Variants in DLGAP2 observed in about 807,000 individuals in gnomAD.
DLGAP2 encodes the protein DLG associated protein 2.
In DLGAP2, 26 loss-of-function variants were observed where a neutral mutation model predicts 100.3. That is an observed-to-expected ratio of 0.26 (90% confidence interval 0.19 to 0.36). DLGAP2 has a LOEUF of 0.36. DLGAP2 is among the 10% of genes least tolerant of loss of function. The pLI is 1.00. For synonymous variants in DLGAP2, 886 were observed against 630.1 expected, an observed-to-expected ratio of 1.41 and a Z score of -6.08; for missense variants, 1,858 against 1,453.2, an observed-to-expected ratio of 1.28 and a Z score of -4.53.
At chr8:1,340,360 C>A (rs1801391685) in intron 3 of DLGAP2, among the ~76,000 whole-genome samples, 1 of 152,130 alleles carries the variant, frequency 6.6e-6, no homozygotes, top group Admixed American at 6.5e-5. Context: ...TAATATCTGG[C>A]ATCTATGAGG....
At chr8:1,517,248 C>T (rs1306573263) in intron 4 of DLGAP2, among the ~76,000 whole-genome samples, 2 of 152,104 alleles carry the variant, frequency 1.3e-5, no homozygotes, top group African/African-American at 4.8e-5. Flanking sequence ...AGGAAGAAGT[C>T]AAGCCCTCTG....
intron 2 of DLGAP2, among the ~76,000 whole-genome samples, chr8:1,053,034 G>A (rs1045146801): frequency 2.6e-5 from 4 of 152,220 alleles, no homozygotes; most frequent in East Asian, 1.9e-4. Context: ...GCTGTAGGAT[G>A]TTCAGCTGCC....
chr8:1,465,184 C>T (rs1044331131), intron 3 of DLGAP2, among the ~76,000 whole-genome samples: 4 of 152,256 alleles, frequency 2.6e-5, no homozygotes, highest in Admixed American at 2.6e-4. Context: ...GCTCCAGGAG[C>T]TTCTAACCAG....
chr8:1,392,006 G>A (rs7012464), intron 3 of DLGAP2, among the ~76,000 whole-genome samples: 1,929 of 151,484 alleles, frequency 0.013, 30 homozygotes, highest in Middle Eastern at 0.051. Flanking sequence ...AGGACTGAGA[G>A]CGTGAAGAAC....
At chr8:1,243,847 C>T (rs554202355) in intron 2 of DLGAP2, among the ~76,000 whole-genome samples, 1 of 152,212 alleles carries the variant, frequency 6.6e-6, no homozygotes, top group Admixed American at 6.5e-5. Flanking sequence ...TTTCTTCAGG[C>T]CCCTGAGTAA....
intron 2 of DLGAP2, among the ~76,000 whole-genome samples, chr8:1,000,254 C>G (rs1168624971): frequency 6.7e-6 from 1 of 148,282 alleles, no homozygotes; most frequent in African/African-American, 2.5e-5. Flanking sequence ...TTCTTTTGCA[C>G]TGGATTTTCT....
intron 3 of DLGAP2, among the ~76,000 whole-genome samples, chr8:1,472,994 G>T (rs188864290): frequency 8.6e-4 from 131 of 152,130 alleles, no homozygotes; most frequent in African/African-American, 2.7e-3. Flanking sequence ...GCAGTGGCTT[G>T]ATCTCAGCTC....
intron 2 of DLGAP2, chr8:927,033 G>C: frequency 9.1e-6 from 9 of 985,420 alleles, no homozygotes; most frequent in Non-Finnish European, 1.1e-5. Flanking sequence ...GCTCAGAGCC[G>C]GGGACTGGAG....
intron 1 of DLGAP2, among the ~76,000 whole-genome samples, chr8:823,480 A>G (rs578211845): frequency 1.6e-4 from 24 of 152,168 alleles, no homozygotes; most frequent in African/African-American, 5.8e-4. Context: ...CAAAGAAAAG[A>G]CTCACTCTGG....
intron 3 of DLGAP2, among the ~76,000 whole-genome samples, chr8:1,365,826 G>T (rs1802096139): frequency 6.6e-6 from 1 of 152,206 alleles, no homozygotes; most frequent in Admixed American, 6.5e-5. Context: ...TCGGGGCCCT[G>T]GGGGGCCGCA....
At chr8:805,803 C>T (rs996422906) in intron 1 of DLGAP2, among the ~76,000 whole-genome samples, 9 of 152,166 alleles carry the variant, frequency 5.9e-5, no homozygotes, top group Non-Finnish European at 1.2e-4. Flanking sequence ...GGATTACATG[C>T]GTGAGCCACC....
chr8:854,046 C>T (rs1226045304), intron 1 of DLGAP2, among the ~76,000 whole-genome samples: 1 of 152,094 alleles, frequency 6.6e-6, no homozygotes, highest in African/African-American at 2.4e-5. Flanking sequence ...GGAAAGAGGC[C>T]CTCGGCAGAG....
In DLGAP2 at chr8:1,703,550, G is replaced by C. The variant is rs909426557; in HGVS notation, c.*2144G>C. 2.0e-5 allele frequency: 3 copies of C among 152,342 alleles called. No individual in the cohort carries two copies. Among genetic ancestry groups the C allele is most frequent in the Admixed American group, 2.0e-4 (3 of 15,270 alleles). 9.4% of individuals were successfully genotyped at this position (152,342 alleles called of 1,614,324 possible). A position where few individuals can be genotyped will look rare whatever the true frequency, so the allele number is the denominator to read the frequency against. On this transcript the variant is annotated 3_prime_UTR_variant, in exon 15 of 15. Coordinates refer to ENST00000637795, the MANE Select transcript of DLGAP2 (RefSeq NM_001346810.2). ...AAGTAACCACAGAAAAGCAAAGTCA[G>C]TGTACACTCTGAGTGAAAGGAAATG...
At chr8:1,039,480 C>G (rs1237816348) in intron 2 of DLGAP2, among the ~76,000 whole-genome samples, 2 of 130,370 alleles carry the variant, frequency 1.5e-5, no homozygotes, top group African/African-American at 3.0e-5. Flanking sequence ...AGCTCGGTTT[C>G]CGTGGTCGGC....
intron 3 of DLGAP2, among the ~76,000 whole-genome samples, chr8:1,386,000 A>G (rs989252152): frequency 2.5e-4 from 38 of 152,330 alleles, no homozygotes; most frequent in Middle Eastern, 3.4e-3. Context: ...AGCAATTCCC[A>G]GGCAAGAGCT....
At chr8:1,037,518 C>G (rs1020336831) in intron 2 of DLGAP2, among the ~76,000 whole-genome samples, 1 of 152,176 alleles carries the variant, frequency 6.6e-6, no homozygotes, top group South Asian at 2.1e-4. Context: ...AGGGACGGAG[C>G]ACGTGGACGT....
intron 1 of DLGAP2, among the ~76,000 whole-genome samples, chr8:782,348 C>T (rs961239343): frequency 1.3e-5 from 2 of 151,714 alleles, no homozygotes; most frequent in Admixed American, 6.6e-5. Context: ...TTAAAAAAAT[C>T]ATGTAAAACT....
intron 1 of DLGAP2, among the ~76,000 whole-genome samples, chr8:896,898 A>C (rs1293498811): frequency 1.3e-5 from 2 of 152,110 alleles, no homozygotes; most frequent in African/African-American, 4.8e-5. Context: ...TGTTTTGAAG[A>C]GTCTTCATGG....
chr8:1,202,241 AGTGTGT>A (rs36230610), intron 2 of DLGAP2, among the ~76,000 whole-genome samples: 32,520 of 149,106 alleles, frequency 0.22, 3,660 homozygotes, highest in East Asian at 0.35. Context: ...GTATAGATGC[AGTGTGT>A]GTGTGTGTGT....
Sources: allele counts gnomAD v4.1 joint callset (sites outside exome capture counted in the v4.1 genomes callset), GRCh38; gene constraint gnomAD v4.1.1; transcripts MANE v1.5; gene names NCBI Gene and HGNC (gene_info 2026-07-23, HGNC 2026-07-21).